KCNQ3: variants seen among roughly 807,000 people sequenced by gnomAD.
KCNQ3 encodes the protein potassium voltage-gated channel subfamily Q member 3.
KCNQ3 carries 30 observed loss-of-function variants against 92.5 expected under a neutral mutation model. The ratio of observed to expected loss-of-function variants is 0.32; its 90% confidence interval spans 0.24 to 0.44. KCNQ3 has a LOEUF of 0.44. Ranked by LOEUF, KCNQ3 falls within the 20% of genes least tolerant of loss-of-function variation. The pLI is 1.00. For missense variants in KCNQ3, 913 were observed against 1,140.3 expected (o/e 0.80, Z 2.87); for synonymous variants, 450 against 468.8 (o/e 0.96, Z 0.52).
intron 1 of KCNQ3, among the ~76,000 whole-genome samples, chr8:132,369,748 C>A (rs192314014): frequency 1.3e-5 from 2 of 152,314 alleles, no homozygotes; most frequent in African/African-American, 4.8e-5. Context: ...AACCCAGGTT[C>A]TGATCCTGGA....
chr8:132,242,024 C>CCT (rs10644164), intron 1 of KCNQ3, among the ~76,000 whole-genome samples: 87,198 of 151,830 alleles, frequency 0.57, 25,887 homozygotes, highest in East Asian at 0.81. Context: ...GGAACTTATT[C>CCT]CTCTGCACAA....
chr8:132,250,094 AAGG>A (rs1165911325), intron 1 of KCNQ3, among the ~76,000 whole-genome samples: 1 of 152,114 alleles, frequency 6.6e-6, no homozygotes, highest in Non-Finnish European at 1.5e-5. Flanking sequence ...CAGCCCAGAG[AAGG>A]GCTCCCACAG....
At chr8:132,233,882 G>T (rs1814720013) in intron 1 of KCNQ3, among the ~76,000 whole-genome samples, 1 of 152,178 alleles carries the variant, frequency 6.6e-6, no homozygotes, top group South Asian at 2.1e-4. Flanking sequence ...AAGCTCTTTG[G>T]ATATTTCAGC....
intron 1 of KCNQ3, among the ~76,000 whole-genome samples, chr8:132,267,890 T>C (rs918181933): frequency 6.6e-6 from 1 of 152,182 alleles, no homozygotes; most frequent in Non-Finnish European, 1.5e-5. Context: ...TATCCTCAAC[T>C]AGCATGGCAC....
intron 1 of KCNQ3, among the ~76,000 whole-genome samples, chr8:132,351,217 G>T (rs2130704706): frequency 6.6e-6 from 1 of 152,304 alleles, no homozygotes; most frequent in East Asian, 1.9e-4. Flanking sequence ...TATTCCCATT[G>T]TTCAGATGAG....
intron 9 of KCNQ3, among the ~76,000 whole-genome samples, chr8:132,153,358 C>A (rs1271997414): frequency 6.6e-6 from 1 of 152,190 alleles, no homozygotes; most frequent in Non-Finnish European, 1.5e-5. Context: ...ATAAGACATC[C>A]TTTTCTCTCC....
At position 132,414,300 on chromosome 8, in the gene KCNQ3, GCAGGGAAGCC is replaced by G. The variant is rs772338228; in HGVS notation, c.386+65837_386+65846del. Among the ~76,000 whole-genome samples, 59 of 152,258 alleles carry G rather than the reference GCAGGGAAGCC, an allele frequency of 3.9e-4. 1 individual carries two copies. The highest frequency in any genetic ancestry group is 6.2e-4 in the South Asian group (3 of 4,816). ...CAGAAGGGCAGAGAGTCAGGAGGGAGCAGGGAAGCCCAGGGAAGCCCAGGGAGGGATCCCC... is the reference window on the plus strand; with the variant it reads ...CAGAAGGGCAGAGAGTCAGGAGGGAGCAGGGAAGCCCAGGGAGGGATCCCC... On this transcript the variant is annotated intron_variant, in intron 1 of 14. Transcript: ENST00000388996.
intron 9 of KCNQ3, among the ~76,000 whole-genome samples, chr8:132,156,644 T>G (rs1825803516): frequency 6.6e-6 from 1 of 152,220 alleles, no homozygotes; most frequent in African/African-American, 2.4e-5. Context: ...ATCCTGGATC[T>G]GCTGAGACAG....
At chr8:132,409,440 C>G (rs1045716749) in intron 1 of KCNQ3, among the ~76,000 whole-genome samples, 3 of 151,672 alleles carry the variant, frequency 2.0e-5, no homozygotes, top group African/African-American at 7.3e-5. Flanking sequence ...CCTCCTTGAC[C>G]TAACTTCCTA....
chr8:132,420,321 C>A (rs1438296347), intron 1 of KCNQ3, among the ~76,000 whole-genome samples: 1 of 152,156 alleles, frequency 6.6e-6, no homozygotes. Flanking sequence ...ACAGGTTGCC[C>A]ACCCAAGGGA....
intron 1 of KCNQ3, among the ~76,000 whole-genome samples, chr8:132,290,890 C>T (rs1272752587): frequency 1.3e-5 from 2 of 152,072 alleles, no homozygotes; most frequent in Non-Finnish European, 2.9e-5. Context: ...TCCTAGGCAC[C>T]GTGTTCTGTC....
At chr8:132,303,556 A>G (rs1313289753) in intron 1 of KCNQ3, among the ~76,000 whole-genome samples, 1 of 80,628 alleles carries the variant, frequency 1.2e-5, no homozygotes, top group African/African-American at 5.9e-5. Context: ...GATCAGATAA[A>G]GAAAATGTGA....
chr8:132,416,240 A>G (rs1820803808), intron 1 of KCNQ3, among the ~76,000 whole-genome samples: 1 of 152,236 alleles, frequency 6.6e-6, no homozygotes, highest in East Asian at 1.9e-4. Flanking sequence ...GTATTTCTCT[A>G]AACACCATCT....
chr8:132,400,927 G>C (rs58912154), intron 1 of KCNQ3, among the ~76,000 whole-genome samples: 4,389 of 152,258 alleles, frequency 0.029, 196 homozygotes, highest in African/African-American at 0.098. Flanking sequence ...GAGGGAGCCT[G>C]TCCAGGCCCC....
At chr8:132,223,532 T>C (rs557469939) in intron 1 of KCNQ3, among the ~76,000 whole-genome samples, 1 of 152,298 alleles carries the variant, frequency 6.6e-6, no homozygotes, top group South Asian at 2.1e-4. Flanking sequence ...TGTAAGGAGT[T>C]ACAGTTCATG....
At chr8:132,461,648 A>C (rs796491834) in intron 1 of KCNQ3, among the ~76,000 whole-genome samples, 12 of 152,322 alleles carry the variant, frequency 7.9e-5, no homozygotes, top group African/African-American at 2.9e-4. Flanking sequence ...GCAATGAATC[A>C]CAGTTCCTGT....
At chr8:132,421,435 T>C (rs914872459) in intron 1 of KCNQ3, among the ~76,000 whole-genome samples, 3 of 152,158 alleles carry the variant, frequency 2.0e-5, no homozygotes, top group Non-Finnish European at 2.9e-5. Flanking sequence ...CACGAGGTGC[T>C]GGCAGGAAAC....
chr8:132,229,809 G>A (rs1814572101), intron 1 of KCNQ3, among the ~76,000 whole-genome samples: 2 of 152,120 alleles, frequency 1.3e-5, no homozygotes, highest in South Asian at 4.2e-4. Context: ...CCCACCAAGG[G>A]TGAAACATAA....
chr8:132,343,417 C>A (rs75336608), intron 1 of KCNQ3, among the ~76,000 whole-genome samples: 60 of 152,280 alleles, frequency 3.9e-4, no homozygotes, highest in Non-Finnish European at 7.5e-4. Flanking sequence ...CTTTCTGTGT[C>A]CCAAGCACCA....
Sources: allele counts gnomAD v4.1 joint callset (sites outside exome capture counted in the v4.1 genomes callset), GRCh38; gene constraint gnomAD v4.1.1; transcripts MANE v1.5; gene names NCBI Gene and HGNC (gene_info 2026-07-23, HGNC 2026-07-21).